Variants in FOXP1 observed in about 807,000 individuals in gnomAD.
The protein encoded by FOXP1 is forkhead box protein P1.
FOXP1 carries 15 observed loss-of-function variants against 98.2 expected under a neutral mutation model. The ratio of observed to expected loss-of-function variants is 0.15; its 90% CI spans 0.10 to 0.24. The LOEUF is 0.24. Among genes scored for constraint, FOXP1 ranks in the 10% least tolerant of loss-of-function variants. The pLI is 1.00. For synonymous variants in FOXP1, 371 were observed against 314.5 expected (o/e 1.18, Z -1.90); for missense variants, 633 against 848.5 (o/e 0.75, Z 3.15).
chr3:71,258,477 G>C (rs1465898864), intron 5 of FOXP1, among the ~76,000 whole-genome samples: 1 of 152,176 alleles, frequency 6.6e-6, no homozygotes, highest in East Asian at 1.9e-4. Flanking sequence ...TCCCAGCAGA[G>C]GGCCAGTCCC....
intron 3 of FOXP1, among the ~76,000 whole-genome samples, chr3:71,467,322 C>T (rs796759589): frequency 2.0e-5 from 3 of 152,050 alleles, no homozygotes; most frequent in Non-Finnish European, 2.9e-5. Context: ...GTACCTGGAA[C>T]GAAGTAGGAT....
chr3:71,415,858 AC>A (rs1453318586), intron 3 of FOXP1, among the ~76,000 whole-genome samples: 2 of 152,198 alleles, frequency 1.3e-5, no homozygotes, highest in African/African-American at 2.4e-5. Flanking sequence ...ACTTTAGAAA[AC>A]TGATAAAATA....
chr3:71,041,250 G>A (rs751156993), intron 11 of FOXP1, 78 bp downstream of exon 11: 1 of 1,096,576 alleles, frequency 9.1e-7, no homozygotes, highest in Non-Finnish European at 1.4e-6. Flanking sequence ...AGGGATCACT[G>A]AGATATGACG....
chr3:71,283,870 T>C (rs892038529), intron 5 of FOXP1, among the ~76,000 whole-genome samples: 1 of 152,200 alleles, frequency 6.6e-6, no homozygotes, highest in East Asian at 1.9e-4. Context: ...ATATTAGTCC[T>C]GGTACAAGGG....
chr3:71,566,921 C>CT (rs2046957961), intron 2 of FOXP1, among the ~76,000 whole-genome samples: 1 of 152,118 alleles, frequency 6.6e-6, no homozygotes. Flanking sequence ...ACACACCCAT[C>CT]TTCTCCCTGG....
intron 2 of FOXP1, among the ~76,000 whole-genome samples, chr3:71,569,822 G>A (rs1310217055): frequency 2.7e-5 from 4 of 147,716 alleles, no homozygotes; most frequent in East Asian, 2.0e-4. Context: ...TCGCTCTGTC[G>A]CCCAGGCTGG....
intron 1 of FOXP1, chr3:71,582,154 C>A: frequency 1.0e-6 from 1 of 985,058 alleles, no homozygotes; most frequent in Non-Finnish European, 1.2e-6. Flanking sequence ...GAGCGGAGCT[C>A]CCCAGAGCCC....
chr3:71,433,189 T>C (rs964317078), intron 3 of FOXP1, among the ~76,000 whole-genome samples: 1 of 152,168 alleles, frequency 6.6e-6, no homozygotes, highest in Admixed American at 6.5e-5. Context: ...ACTTCAGCCA[T>C]CAAATGGTAA....
intron 17 of FOXP1, among the ~76,000 whole-genome samples, chr3:70,974,785 T>G (rs941105535): frequency 3.9e-5 from 6 of 152,222 alleles, no homozygotes; most frequent in African/African-American, 1.4e-4. Context: ...CACTGCTTGA[T>G]GCTTTAAAAT....
chr3:70,984,559 GTGAC>G (rs1427868059), intron 14 of FOXP1, among the ~76,000 whole-genome samples: 9 of 152,204 alleles, frequency 5.9e-5, no homozygotes, highest in Non-Finnish European at 8.8e-5. Context: ...CCTTGCTCAT[GTGAC>G]TGACTACTTG....
chr3:71,328,564 C>T (rs779596286), intron 4 of FOXP1, among the ~76,000 whole-genome samples: 3 of 152,200 alleles, frequency 2.0e-5, no homozygotes, highest in Non-Finnish European at 4.4e-5. Flanking sequence ...TACATTTCTG[C>T]CCATTTGGCA....
intron 5 of FOXP1, among the ~76,000 whole-genome samples, chr3:71,268,477 A>G (rs2069967021): frequency 1.3e-5 from 2 of 152,136 alleles, no homozygotes; most frequent in African/African-American, 4.8e-5. Flanking sequence ...TGATGAGCCA[A>G]GTAATTAAAA....
intron 6 of FOXP1, among the ~76,000 whole-genome samples, chr3:71,196,534 C>T (rs1353693869): frequency 1.3e-5 from 2 of 152,136 alleles, no homozygotes; most frequent in African/African-American, 2.4e-5. Context: ...TTTAGTATCA[C>T]ATCAGTCAGT....
At chr3:71,533,622 G>T (rs2044044322) in intron 2 of FOXP1, among the ~76,000 whole-genome samples, 1 of 152,088 alleles carries the variant, frequency 6.6e-6, no homozygotes, top group Non-Finnish European at 1.5e-5. Context: ...ATTGTTCTGT[G>T]AACAATTTCA....
intron 3 of FOXP1, among the ~76,000 whole-genome samples, chr3:71,460,775 A>C (rs943558179): frequency 6.6e-6 from 1 of 152,204 alleles, no homozygotes; most frequent in Non-Finnish European, 1.5e-5. Context: ...AGGGAAAATA[A>C]GAGTCTTACA....
chr3:71,050,745 C>T (rs949706900), intron 9 of FOXP1, among the ~76,000 whole-genome samples: 2 of 152,152 alleles, frequency 1.3e-5, no homozygotes, highest in African/African-American at 4.8e-5. Context: ...GCTGTGTTTA[C>T]ATCTGATGTG....
At chr3:71,327,090 G>A (rs1413340349) in intron 4 of FOXP1, among the ~76,000 whole-genome samples, 3 of 152,000 alleles carry the variant, frequency 2.0e-5, no homozygotes, top group African/African-American at 7.3e-5. Flanking sequence ...TAACCACCAT[G>A]TTACACGGTC....
At chr3:71,519,229 G>A (rs538253847) in intron 2 of FOXP1, among the ~76,000 whole-genome samples, 25 of 152,236 alleles carry the variant, frequency 1.6e-4, no homozygotes, top group Non-Finnish European at 3.2e-4. Context: ...CTGGGTGGTA[G>A]AGGGAGACTG....
Position 71,169,180 on chromosome 3 carries a change from C to T in FOXP1, c.180+29022G>A, listed in dbSNP as rs138400704. 4.4e-3 allele frequency among the ~76,000 whole-genome samples: 675 copies of T among 152,314 alleles called. 28 individuals are homozygous for T. The highest frequency in any genetic ancestry group is 0.04 in the Admixed American group (614 of 15,296). On this transcript the variant is annotated intron_variant, in intron 6 of 20. Transcript: ENST00000649528. ...TTGACTATTTCATCGAGTCAGTTTA[C>T]AGTGTCTCCATCACAGTGGACGCCT...
Sources: allele counts gnomAD v4.1 joint callset (sites outside exome capture counted in the v4.1 genomes callset), GRCh38; gene constraint gnomAD v4.1.1; transcripts MANE v1.5; gene names NCBI Gene and HGNC (gene_info 2026-07-23, HGNC 2026-07-21).